CD300LG: variants seen among roughly 807,000 people sequenced by gnomAD.
CD300LG encodes the protein CD300 molecule like family member g.
CD300LG carries 29 observed loss-of-function variants against 31.5 expected under a neutral mutation model. The ratio of observed to expected loss-of-function variants is 0.92; its 90% CI spans 0.68 to 1.25. The LOEUF (loss-of-function observed/expected upper bound fraction) is 1.25, where lower values mean the gene tolerates loss of function less well. CD300LG is among the 50% of genes most tolerant of loss of function. CD300LG has a pLI of 0.00. For synonymous variants in CD300LG, 175 were observed against 177.2 expected, an observed-to-expected ratio of 0.99 and a Z score of 0.10; for missense variants, 396 against 417.6, an observed-to-expected ratio of 0.95 and a Z score of 0.45.
At chr17:43,851,128 A>G (rs1160129934) in intron 2 of CD300LG, among the ~76,000 whole-genome samples, 2 of 125,894 alleles carry the variant, frequency 1.6e-5, no homozygotes, top group East Asian at 2.1e-4. Flanking sequence ...AGCCAGACTC[A>G]GTCTCAAAAA....
In CD300LG at chr17:43,857,139, T is replaced by G. The variant is rs770346902; in HGVS notation, c.868T>G (p.Phe290Val). ...CACGGAGACACAGAGGAACGAGAAG[T>G]TCTGCCTCTCACGCTTGGTAAGGAC... ...QATETQRNEK[F>V]CLSRLTAEEK... The change falls in exon 6 of 7, where the codon TTC (phenylalanine) becomes GTC (valine). Residue 290 changes from phenylalanine to valine, a missense_variant. Transcript: ENST00000317310. 1.2e-6 allele frequency: 2 copies of G among 1,614,046 alleles called. No homozygotes were observed. The highest frequency in any genetic ancestry group is 1.3e-5 in the African/African-American group (1 of 74,936).
intron 2 of CD300LG, 43 bp downstream of exon 2, chr17:43,848,936 C>A: frequency 1.3e-6 from 2 of 1,548,864 alleles, no homozygotes; most frequent in African/African-American, 1.4e-5. Context: ...ACAGGAGCTG[C>A]AGAGGGAAGA....
In CD300LG at chr17:43,855,221, T is replaced by C; in HGVS notation, c.734T>C (p.Met245Thr). ...CTCGTCTCCAGGGTGTCCATCCCGA[T>C]GGTCCGCATACTGGCCCCAGTCCTG... ...GSSKPRVSIP[M>T]VRILAPVLVL... Residue 245 changes from methionine to threonine, a missense_variant, in exon 5 of 7, where the codon ATG becomes ACG. Coordinates refer to ENST00000317310, the MANE Select transcript of CD300LG (RefSeq NM_145273.4). 6.2e-7 allele frequency: 1 copy of C among 1,607,004 alleles called. No homozygotes were observed. Among genetic ancestry groups the C allele is most frequent in the Non-Finnish European group, 8.5e-7 (1 of 1,177,336 alleles).
intron 3 of CD300LG, 102 bp downstream of exon 3, chr17:43,853,115 G>T: frequency 8.3e-6 from 8 of 968,528 alleles, no homozygotes; most frequent in Non-Finnish European, 1.2e-5. Context: ...TGGCCACCTA[G>T]GTGTCCCCAC....
intron 6 of CD300LG, chr17:43,857,947 A>G: frequency 6.5e-7 from 1 of 1,530,716 alleles, no homozygotes; most frequent in African/African-American, 1.4e-5. Flanking sequence ...CCCCAAGGCT[A>G]CTGCTGCAAG....
At chr17:43,858,981 A>C (rs1054958864) in intron 6 of CD300LG, among the ~76,000 whole-genome samples, 1 of 152,198 alleles carries the variant, frequency 6.6e-6, no homozygotes. Context: ...CATCATTCCC[A>C]TACGAGGTAG....
chr17:43,853,260 G>A (rs1419458409), intron 3 of CD300LG, among the ~76,000 whole-genome samples: 9 of 152,134 alleles, frequency 5.9e-5, no homozygotes, highest in African/African-American at 1.7e-4. Flanking sequence ...TTCTGTCTGC[G>A]CCATCCAGAG....
intron 6 of CD300LG, chr17:43,858,525 A>C: frequency 1.0e-6 from 1 of 985,330 alleles, no homozygotes; most frequent in African/African-American, 1.7e-5. Context: ...TCTGCTGAAG[A>C]GGGAGGGGAC....
intron 3 of CD300LG, 90 bp from the exon 4 acceptor site, chr17:43,853,717 G>C (rs2046425942): frequency 9.6e-7 from 1 of 1,043,050 alleles, no homozygotes; most frequent in Non-Finnish European, 1.4e-6. Flanking sequence ...TCCCAGGGAG[G>C]CTAGGGTTCA....
At chr17:43,853,104 A>C (rs1320268668) in intron 3 of CD300LG, 91 bp downstream of exon 3, 19 of 1,090,274 alleles carry the variant, frequency 1.7e-5, no homozygotes, top group Admixed American at 4.1e-5. Context: ...ACAATAGTTT[A>C]TGGCCACCTA....
intron 2 of CD300LG, 46 bp downstream of exon 2, chr17:43,848,939 A>G: frequency 6.7e-7 from 1 of 1,497,264 alleles, no homozygotes; most frequent in Non-Finnish European, 9.2e-7. Flanking sequence ...GGAGCTGCAG[A>G]GGGAAGAGGG....
At chr17:43,848,514 A>G (rs1238514650) in intron 1 of CD300LG, 44 bp from the exon 2 acceptor site, 8 of 1,517,352 alleles carry the variant, frequency 5.3e-6, no homozygotes, top group Middle Eastern at 1.7e-4. Context: ...ACCTTGGTAC[A>G]TGGAGCCTGG....
At chr17:43,858,409 A>G in intron 6 of CD300LG, 12 of 985,440 alleles carry the variant, frequency 1.2e-5, no homozygotes, top group Non-Finnish European at 1.4e-5. Flanking sequence ...GGGTCCAAGG[A>G]GGCTGAGAGC....
At chr17:43,859,791 A>T (rs1321900569) in intron 6 of CD300LG, among the ~76,000 whole-genome samples, 4 of 152,192 alleles carry the variant, frequency 2.6e-5, no homozygotes, top group Admixed American at 6.5e-5. Context: ...CAGTGCCCTC[A>T]TCCACCACCC....
rs1156819074 is a variant in CD300LG, at chr17:43,862,432, G to A, written c.*521G>A. 1 of 152,246 alleles carries A rather than the reference G, an allele frequency of 6.6e-6. No individual in the cohort carries two copies. The highest frequency in any genetic ancestry group is 6.5e-5 in the Admixed American group (1 of 15,276). The allele number at this position is 152,246 out of a possible 1,614,324, so 9.4% of individuals were successfully genotyped here. ...GAACCACCTGCATCCCAGCCCTTCA[G>A]GAAGCCTGTGAAAAACGTGATTCCT... On this transcript the variant is annotated 3_prime_UTR_variant, in exon 7 of 7. Transcript: ENST00000317310.
At position 43,848,595 on chromosome 17, in the gene CD300LG, G is replaced by A. The variant is rs776536925; in HGVS notation, c.81G>A (p.Gly27=). Residue 27 remains glycine (G), a synonymous_variant, in exon 2 of 7, where the codon GGG becomes GGA. Coordinates refer to ENST00000317310, the MANE Select transcript of CD300LG (RefSeq NM_145273.4). ...EALEGPEEIS[G]FEGDTVSLQC... ...TGGAGGGCCCAGAGGAAATCAGCGG[G>A]TTCGAAGGGGACACTGTGTCCCTGC... 5 of 1,613,900 alleles carry A rather than the reference G, an allele frequency of 3.1e-6. No individual in the cohort carries two copies. Among genetic ancestry groups the A allele is most frequent in the Non-Finnish European group, 4.2e-6 (5 of 1,179,960 alleles).
At chr17:43,861,222 G>A in intron 6 of CD300LG, 1 of 985,304 alleles carries the variant, frequency 1.0e-6, no homozygotes, top group Middle Eastern at 5.2e-4. Context: ...CCCTCTCCCA[G>A]CCTCTACACA....
At chr17:43,857,564 G>A (rs1456609589) in intron 6 of CD300LG, 7 of 1,336,834 alleles carry the variant, frequency 5.2e-6, no homozygotes, top group Non-Finnish European at 7.3e-6. Context: ...ACGCCCAGGG[G>A]TCAGGGAGCT....
At chr17:43,853,198 A>C (rs1213376225) in intron 3 of CD300LG, among the ~76,000 whole-genome samples, 185 bp downstream of exon 3, 1 of 152,156 alleles carries the variant, frequency 6.6e-6, no homozygotes, top group African/African-American at 2.4e-5. Flanking sequence ...TCAGGGTCAC[A>C]CAAGAAGTGC....
Sources: allele counts gnomAD v4.1 joint callset (sites outside exome capture counted in the v4.1 genomes callset), GRCh38; gene constraint gnomAD v4.1.1; transcripts MANE v1.5; gene names NCBI Gene and HGNC (gene_info 2026-07-23, HGNC 2026-07-21).